Variants in TAF3 observed in about 807,000 individuals in gnomAD.
TAF3 encodes the protein transcription initiation factor TFIID subunit 3.
TAF3 carries 7 observed loss-of-function variants against 80.6 expected under a neutral mutation model. That is an observed-to-expected ratio of 0.09 (90% CI 0.05 to 0.16). TAF3 has a LOEUF of 0.16. TAF3 is among the 10% of genes least tolerant of loss of function. The pLI is 1.00. For synonymous variants in TAF3, 444 were observed against 446.1 expected (o/e 1.00, Z 0.06); for missense variants, 921 against 1,140.2 (o/e 0.81, Z 2.77).
chr10:7,873,037 A>T (rs572552584), intron 2 of TAF3, among the ~76,000 whole-genome samples: 50 of 152,284 alleles, frequency 3.3e-4, no homozygotes, highest in African/African-American at 8.9e-4. Flanking sequence ...TCTTATTTCA[A>T]GACTAAATTA....
At chr10:7,993,982 G>A (rs761792561) in intron 4 of TAF3, among the ~76,000 whole-genome samples, 3 of 150,534 alleles carry the variant, frequency 2.0e-5, no homozygotes, top group Non-Finnish European at 4.4e-5. Flanking sequence ...TTTTGGAAAG[G>A]GGAAGGGTTC....
Position 7,957,792 on chromosome 10 carries a change from GCGCT to G in TAF3, c.410-6126_410-6123del, listed in dbSNP as rs1379809147. Among the ~76,000 whole-genome samples the G allele has an allele frequency of 2.4e-3, 329 of 134,346 alleles. 2 individuals carry two copies. The highest frequency in any genetic ancestry group is 0.024 in the East Asian group (108 of 4,580). The allele number at this position is 134,346 out of a possible 152,430, so 88.1% of individuals were successfully genotyped here. On this transcript the variant is annotated intron_variant, in intron 2 of 6. Transcript: ENST00000344293. ...CTGTCTGTCTCACGCTCTCTCTAGC[GCGCT>G]CTCTCTCTCTCTCTCTCTCTCTCTC...
intron 2 of TAF3, among the ~76,000 whole-genome samples, chr10:7,852,893 A>T (rs1258077059): frequency 6.6e-6 from 1 of 152,258 alleles, no homozygotes; most frequent in East Asian, 1.9e-4. Flanking sequence ...CAGTTTTCAA[A>T]ATAATGAATT....
chr10:7,964,823 C>G lies in TAF3; in HGVS notation c.1313C>G (p.Thr438Ser). 6.2e-7 allele frequency: 1 copy of G among 1,614,218 alleles called. No homozygotes were observed. The highest frequency in any genetic ancestry group is 8.5e-7 in the Non-Finnish European group (1 of 1,180,040). ...GPECTTPKAS[T>S]SANNFTKSGS... ...GAGTGTACTACTCCCAAAGCTTCCA[C>G]TTCCGCGAACAATTTCACAAAGTCA... The change falls in exon 3 of 7, where the codon ACT becomes AGT. Residue 438 changes from threonine to serine, a missense_variant. By Grantham distance (58) the Thr-to-Ser change is moderately conservative (BLOSUM62 1). This residue lies in a region of TAF3 where 743 missense variants were observed against 821.0 expected (regional missense o/e 0.90). Coordinates refer to ENST00000344293, the MANE Select transcript of TAF3 (RefSeq NM_031923.4). This position sits in a 1 kb window ranked among gnomAD's most constrained non-coding sequence, Gnocchi z 4.1.
intron 2 of TAF3, among the ~76,000 whole-genome samples, chr10:7,882,044 G>A (rs1018699): frequency 0.91 from 137,837 of 152,246 alleles, 62,449 homozygotes; most frequent in East Asian, 0.94. Context: ...GTTCAAAACT[G>A]AACTGAGCAG....
intron 3 of TAF3, among the ~76,000 whole-genome samples, chr10:7,975,995 C>T (rs1233857595): frequency 6.6e-6 from 1 of 152,164 alleles, no homozygotes; most frequent in African/African-American, 2.4e-5. Context: ...CCTACAGCCC[C>T]ACCGAAAGAC....
intron 2 of TAF3, among the ~76,000 whole-genome samples, chr10:7,953,211 G>C (rs1285189283): frequency 6.6e-6 from 1 of 152,166 alleles, no homozygotes; most frequent in Non-Finnish European, 1.5e-5. Flanking sequence ...ACTTCAAAAA[G>C]TAGGGTAGAG....
At chr10:7,976,143 C>T (rs942147779) in intron 3 of TAF3, among the ~76,000 whole-genome samples, 5 of 152,158 alleles carry the variant, frequency 3.3e-5, no homozygotes, top group African/African-American at 1.2e-4. Context: ...TCTCTTCTGA[C>T]GAACAGGTCA....
At chr10:7,982,682 G>C (rs990377448) in intron 4 of TAF3, among the ~76,000 whole-genome samples, 8 of 152,216 alleles carry the variant, frequency 5.3e-5, no homozygotes, top group Admixed American at 2.0e-4. Flanking sequence ...TTACAGGTGT[G>C]AGCAATCTTG....
rs905250945 is a variant in TAF3, at chr10:7,818,514, C to T, written c.-196C>T. Reference sequence around the variant, plus strand: ...GCCCCGGCGGCCGTCCAGCGGGAGGCGGAGCGAGTCCAAAATGGCGGCTCT... The same window carrying T: ...GCCCCGGCGGCCGTCCAGCGGGAGGTGGAGCGAGTCCAAAATGGCGGCTCT... On this transcript the variant is annotated 5_prime_UTR_variant, in exon 1 of 7. Transcript: ENST00000344293. The T allele has an allele frequency of 5.9e-6, 3 of 510,776 alleles. No individual in the cohort carries two copies. The highest frequency in any genetic ancestry group is 1.0e-5 in the Non-Finnish European group (3 of 298,548). 31.6% of individuals were successfully genotyped at this position (510,776 alleles called of 1,614,324 possible).
chr10:8,014,805 C>A lies in TAF3; in HGVS notation c.*54C>A. The A allele has an allele frequency of 6.8e-7, 1 of 1,461,186 alleles. No homozygotes were observed. Among genetic ancestry groups the A allele is most frequent in the Non-Finnish European group, 9.3e-7 (1 of 1,078,106 alleles). 90.5% of individuals were successfully genotyped at this position (1,461,186 alleles called of 1,614,324 possible). A position where few individuals can be genotyped will look rare whatever the true frequency, so the allele number is the denominator to read the frequency against. On this transcript the variant is annotated 3_prime_UTR_variant, in exon 7 of 7. Coordinates refer to ENST00000344293, the MANE Select transcript of TAF3 (RefSeq NM_031923.4). ...GTCAGCCCGGGCTTCTTCCCTGGCG[C>A]CTCTGGAAGGGAGCTGGTGCAAGTC...
chr10:7,914,047 C>G (rs1837682114), intron 2 of TAF3, among the ~76,000 whole-genome samples: 1 of 152,106 alleles, frequency 6.6e-6, no homozygotes. Flanking sequence ...ATGTGGTCCT[C>G]TTTTAGATAC....
At chr10:7,958,949 A>G (rs1282077252) in intron 2 of TAF3, among the ~76,000 whole-genome samples, 3 of 152,280 alleles carry the variant, frequency 2.0e-5, no homozygotes, top group African/African-American at 4.8e-5. Flanking sequence ...CCTGGCTAAC[A>G]TGGTAAAACC....
chr10:7,962,818 A>G (rs908406921), intron 2 of TAF3, among the ~76,000 whole-genome samples: 1 of 152,144 alleles, frequency 6.6e-6, no homozygotes, highest in Non-Finnish European at 1.5e-5. Context: ...GCTGCACTAA[A>G]CTGTGAGCTC....
intron 4 of TAF3, among the ~76,000 whole-genome samples, chr10:7,994,464 A>C (rs1463382868): frequency 6.6e-6 from 1 of 152,152 alleles, no homozygotes; most frequent in South Asian, 2.1e-4. Flanking sequence ...AAAAACTATG[A>C]GTTTATACTG....
At position 8,013,715 on chromosome 10, in the gene TAF3, G is replaced by A. The variant is rs370090816; in HGVS notation, c.2569-16G>A. On this transcript the variant is annotated splice_polypyrimidine_tract_variant and intron_variant, in intron 5 of 6. Coordinates refer to ENST00000344293, the MANE Select transcript of TAF3 (RefSeq NM_031923.4). ...CATTCCCTCCATTTTTGCCGCTTCCGCTTTGCAAACATCAGATCCGAGATG... is the reference window on the plus strand; with the variant it reads ...CATTCCCTCCATTTTTGCCGCTTCCACTTTGCAAACATCAGATCCGAGATG... The A allele has an allele frequency of 1.2e-5, 19 of 1,606,940 alleles. No homozygotes were observed. The highest frequency in any genetic ancestry group is 8.1e-5 in the African/African-American group (6 of 74,402).
intron 2 of TAF3, among the ~76,000 whole-genome samples, chr10:7,836,304 T>C (rs1281455874): frequency 6.6e-6 from 1 of 151,840 alleles, no homozygotes; most frequent in African/African-American, 2.4e-5. Flanking sequence ...TTTTTTTTTT[T>C]TTTGAGACGG....
At chr10:7,956,112 T>C (rs527891064) in intron 2 of TAF3, among the ~76,000 whole-genome samples, 2 of 152,306 alleles carry the variant, frequency 1.3e-5, no homozygotes, top group South Asian at 4.1e-4. Flanking sequence ...ATATGTTAAT[T>C]AGTGCATCGG....
At chr10:7,825,519 C>T (rs1411782342) in intron 2 of TAF3, among the ~76,000 whole-genome samples, 1 of 152,200 alleles carries the variant, frequency 6.6e-6, no homozygotes, top group East Asian at 1.9e-4. Flanking sequence ...CCCCTGGCAA[C>T]CACCATTCCT....
Sources: gnomAD v4.1 joint callset for allele counts (sites outside exome capture counted in the v4.1 genomes callset) on GRCh38, gnomAD v4.1.1 for gene constraint, gnomAD v4.1.1 regional missense constraint, Gnocchi (gnomAD v3.1) non-coding constraint, MANE v1.5 for transcripts, NCBI Gene and HGNC (gene_info 2026-07-23, HGNC 2026-07-21) for gene names.